MIS18A: variants seen among roughly 807,000 people sequenced by gnomAD.
MIS18A encodes the protein protein Mis18-alpha.
MIS18A carries 14 observed loss-of-function variants against 25.0 expected under a neutral mutation model. The ratio of observed to expected loss-of-function variants is 0.56; its 90% confidence interval spans 0.37 to 0.88. MIS18A has a LOEUF of 0.88. Ranked by LOEUF, MIS18A falls within the 40% of genes least tolerant of loss-of-function variation. MIS18A has a pLI of 0.00. For synonymous variants in MIS18A, 134 were observed against 118.6 expected (o/e 1.13, Z -0.84); for missense variants, 292 against 290.8 (o/e 1.00, Z -0.03).
At position 32,269,921 on chromosome 21, in the gene MIS18A, G is replaced by A. The variant is rs2031681845; in HGVS notation, c.525-118C>T. Reference sequence around the variant, plus strand: ...GAGGCTAGGAGTTTGAAACCAGCCTGGGCAACACAAGACCCCGGGCAATAT... The same window carrying A: ...GAGGCTAGGAGTTTGAAACCAGCCTAGGCAACACAAGACCCCGGGCAATAT... On this transcript the variant is annotated intron_variant, in intron 3 of 4. Transcript: ENST00000290130. The A allele has an allele frequency of 2.4e-5, 16 of 669,914 alleles. No homozygotes were observed. In the South Asian group the frequency reaches 2.5e-4, roughly 10 times the overall value. The allele number at this position is 669,914 out of a possible 1,614,324, so 41.5% of individuals were successfully genotyped here. A position where few individuals can be genotyped will look rare whatever the true frequency, so the allele number is the denominator to read the frequency against.
At chr21:32,211,966 T>A in the MIS18A span, among the ~76,000 whole-genome samples, 1 of 152,204 alleles carries the variant, frequency 6.6e-6, no homozygotes, top group Non-Finnish European at 1.5e-5. Flanking sequence ...CCTGGCACTC[T>A]GATTTTGATG....
the MIS18A span, among the ~76,000 whole-genome samples, chr21:32,215,779 C>T: frequency 2.0e-3 from 308 of 152,272 alleles, 1 homozygote; most frequent in Middle Eastern, 3.4e-3. Context: ...ATGGGATAAT[C>T]TGGTTCTATG....
In MIS18A at chr21:32,278,758, G is replaced by T; in HGVS notation, c.257C>A (p.Ser86Tyr). Residue 86 changes from serine (S) to tyrosine (Y), a missense_variant, in exon 1 of 5, where the codon TCC (serine) becomes TAC (tyrosine). Transcript: ENST00000290130. ...GTCGCCCAGCGGCCGCCGGCAGCCG[G>T]AGCACAGGAACACCAGCGGCCTCTC... Reference protein sequence around the residue: ...AEERPLVFLCSGCRRPLGDSL... With the variant: ...AEERPLVFLCYGCRRPLGDSL... The T allele has an allele frequency of 1.9e-6, 3 of 1,578,802 alleles. No homozygotes were observed. Among genetic ancestry groups the T allele is most frequent in the Non-Finnish European group, 1.7e-6 (2 of 1,168,238 alleles).
the MIS18A span, among the ~76,000 whole-genome samples, chr21:32,196,365 G>C: frequency 6.6e-6 from 1 of 152,042 alleles, no homozygotes; most frequent in South Asian, 2.1e-4. Flanking sequence ...CCACCTCTTA[G>C]GTCTTAGGAC....
At chr21:32,235,775 C>A in the MIS18A span, among the ~76,000 whole-genome samples, 4 of 152,146 alleles carry the variant, frequency 2.6e-5, no homozygotes, top group Admixed American at 2.6e-4. Flanking sequence ...CATTGGACTG[C>A]CTGTCCTCAA....
chr21:32,158,773 C>G, the MIS18A span, among the ~76,000 whole-genome samples: 2 of 152,144 alleles, frequency 1.3e-5, no homozygotes, highest in Non-Finnish European at 2.9e-5. Context: ...CCACACCCGG[C>G]CTGATTTCTT....
the MIS18A span, among the ~76,000 whole-genome samples, chr21:32,223,599 T>G: frequency 6.6e-6 from 1 of 152,264 alleles, no homozygotes; most frequent in African/African-American, 2.4e-5. Context: ...AATCCCTGAA[T>G]AGACCAATAA....
the MIS18A span, among the ~76,000 whole-genome samples, chr21:32,162,012 T>C: frequency 6.6e-6 from 1 of 152,010 alleles, no homozygotes; most frequent in African/African-American, 2.4e-5. Flanking sequence ...GTTAATACAG[T>C]ATATATTGTT....
At chr21:32,156,462 G>T in the MIS18A span, 1 of 152,140 alleles carries the variant, frequency 6.6e-6, no homozygotes, top group African/African-American at 2.4e-5. Flanking sequence ...TGCAGTGGAG[G>T]ATTTACATGA....
chr21:32,222,117 G>GA, the MIS18A span, among the ~76,000 whole-genome samples: 5 of 141,284 alleles, frequency 3.5e-5, no homozygotes, highest in Admixed American at 7.0e-5. Context: ...CAAATGGAAA[G>GA]AAAAAAAAAA....
the MIS18A span, among the ~76,000 whole-genome samples, chr21:32,215,403 T>C: frequency 6.6e-6 from 1 of 152,142 alleles, no homozygotes; most frequent in African/African-American, 2.4e-5. Context: ...CACTGGCTAT[T>C]GCTAAACAGA....
chr21:32,265,339 A>G (rs1434963806), downstream of MIS18A, among the ~76,000 whole-genome samples: 3 of 152,206 alleles, frequency 2.0e-5, no homozygotes, highest in Admixed American at 6.5e-5. Flanking sequence ...AGGGAGAGGC[A>G]CGAGCGGGAA....
intron 1 of MIS18A, chr21:32,278,064 G>T (rs2031848759): frequency 6.6e-6 from 1 of 152,220 alleles, no homozygotes; most frequent in South Asian, 2.1e-4. Context: ...ATCAAAATGA[G>T]GGAACAGTGG....
the MIS18A span, among the ~76,000 whole-genome samples, chr21:32,163,352 T>C: frequency 6.6e-6 from 1 of 152,164 alleles, no homozygotes; most frequent in Non-Finnish European, 1.5e-5. Flanking sequence ...GAATCTCACA[T>C]CTACCCCTTC....
the MIS18A span, among the ~76,000 whole-genome samples, chr21:32,201,319 G>A: frequency 6.6e-6 from 1 of 151,842 alleles, no homozygotes; most frequent in Non-Finnish European, 1.5e-5. Context: ...AGAGGAACCA[G>A]GTGGAAAAAA....
chr21:32,274,752 A>T, intron 2 of MIS18A, 78 bp downstream of exon 2: 1 of 1,082,416 alleles, frequency 9.2e-7, no homozygotes, highest in Non-Finnish European at 1.4e-6. Context: ...AAGTAATCTT[A>T]CTACTAGTAA....
chr21:32,216,682 A>G, the MIS18A span, among the ~76,000 whole-genome samples: 4 of 152,376 alleles, frequency 2.6e-5, no homozygotes, highest in South Asian at 8.3e-4. Context: ...ATCATGCCCA[A>G]GAAAGACCTG....
At chr21:32,240,846 C>A in the MIS18A span, among the ~76,000 whole-genome samples, 3 of 152,076 alleles carry the variant, frequency 2.0e-5, no homozygotes, top group Non-Finnish European at 4.4e-5. Context: ...TACTGCAGAG[C>A]GTATTTGCAT....
At chr21:32,191,638 T>G in the MIS18A span, among the ~76,000 whole-genome samples, 7 of 152,182 alleles carry the variant, frequency 4.6e-5, no homozygotes, top group South Asian at 2.1e-4. Context: ...GCATGGTGGC[T>G]CACGGCTGTA....
Sources: gnomAD v4.1 joint callset for allele counts (sites outside exome capture counted in the v4.1 genomes callset) on GRCh38, gnomAD v4.1.1 for gene constraint, MANE v1.5 for transcripts, NCBI Gene and HGNC (gene_info 2026-07-23, HGNC 2026-07-21) for gene names.